Variants in SIPA1L3 observed in about 807,000 individuals in gnomAD.
SIPA1L3 encodes signal induced proliferation associated 1 like 3.
Under a neutral mutation model 150.1 loss-of-function variants are expected in SIPA1L3, and 59 were observed. The ratio of observed to expected loss-of-function variants is 0.39; its 90% CI spans 0.32 to 0.49. The LOEUF is 0.49. Among genes scored for constraint, SIPA1L3 ranks in the 20% least tolerant of loss-of-function variants. SIPA1L3 has a pLI of 0.86. For synonymous variants in SIPA1L3, 1,070 were observed against 1,077.6 expected (o/e 0.99, Z 0.14); for missense variants, 2,211 against 2,489.5 (o/e 0.89, Z 2.38).
At chr19:38,118,433 G>A (rs1326201421) in intron 8 of SIPA1L3, among the ~76,000 whole-genome samples, 1 of 152,052 alleles carries the variant, frequency 6.6e-6, no homozygotes, top group Non-Finnish European at 1.5e-5. Context: ...TCTGCCACAC[G>A]GTCTATGTAT....
At chr19:37,958,776 A>T (rs2046832523) in intron 1 of SIPA1L3, among the ~76,000 whole-genome samples, 1 of 152,240 alleles carries the variant, frequency 6.6e-6, no homozygotes, top group African/African-American at 2.4e-5. Flanking sequence ...GGAGAAGATA[A>T]TTGCAAATCA....
At chr19:37,926,698 C>T (rs964293305) in intron 1 of SIPA1L3, among the ~76,000 whole-genome samples, 16 of 151,904 alleles carry the variant, frequency 1.1e-4, no homozygotes, top group South Asian at 4.2e-4. Flanking sequence ...CCTGTGGGAG[C>T]GGGTGGGGGT....
intron 16 of SIPA1L3, among the ~76,000 whole-genome samples, chr19:38,188,097 CA>C (rs1972727862): frequency 6.6e-6 from 1 of 152,078 alleles, no homozygotes; most frequent in African/African-American, 2.4e-5. Flanking sequence ...ATTTTGGAGA[CA>C]GTGTCTTTGT....
intron 1 of SIPA1L3, among the ~76,000 whole-genome samples, chr19:37,919,002 C>G (rs1388198588): frequency 6.6e-6 from 1 of 152,100 alleles, no homozygotes; most frequent in Non-Finnish European, 1.5e-5. Context: ...GCTGTGGGCT[C>G]TGGTGGAAGC....
intron 1 of SIPA1L3, among the ~76,000 whole-genome samples, chr19:37,925,022 C>T (rs1407386982): frequency 6.7e-6 from 1 of 150,284 alleles, no homozygotes; most frequent in Non-Finnish European, 1.5e-5. Flanking sequence ...GCACTCCAGC[C>T]TGGGGAATAG....
At chr19:37,927,683 G>GTGTGTGTGTA (rs1568466854) in intron 1 of SIPA1L3, among the ~76,000 whole-genome samples, 2 of 145,594 alleles carry the variant, frequency 1.4e-5, no homozygotes, top group African/African-American at 2.7e-5. Context: ...GTGTGTGTGT[G>GTGTGTGTGTA]TGTGTGTGTA....
chr19:38,159,211 TCCAG>T (rs1972019149), intron 13 of SIPA1L3, among the ~76,000 whole-genome samples: 1 of 152,160 alleles, frequency 6.6e-6, no homozygotes, highest in Non-Finnish European at 1.5e-5. Flanking sequence ...CTAGACCACA[TCCAG>T]CCAGGCCATT....
At chr19:38,000,894 TTATATA>T (rs552331515) in intron 1 of SIPA1L3, among the ~76,000 whole-genome samples, 15 of 114,954 alleles carry the variant, frequency 1.3e-4, no homozygotes, top group African/African-American at 2.8e-4. Context: ...TATATATATG[TTATATA>T]TATATATATA....
intron 1 of SIPA1L3, chr19:37,907,667 A>G (rs2046346051): frequency 6.6e-6 from 1 of 152,250 alleles, no homozygotes; most frequent in Non-Finnish European, 1.5e-5. Flanking sequence ...CCCCTGCAGT[A>G]AAACGGAGTA....
chr19:38,106,940 A>G (rs1175960703), intron 7 of SIPA1L3, among the ~76,000 whole-genome samples: 1 of 152,250 alleles, frequency 6.6e-6, no homozygotes, highest in Non-Finnish European at 1.5e-5. Flanking sequence ...AGTCAACATT[A>G]TTTTGACTGC....
Position 37,962,930 on chromosome 19 carries a change from A to C in SIPA1L3, c.-379+55572A>C, listed in dbSNP as rs77828778. ...TTTTGTTTACTGAGTATCCTGGGCTAATTCTTTGGAGTTTGTCCCCTTGTG... is the reference window on the plus strand; with the variant it reads ...TTTTGTTTACTGAGTATCCTGGGCTCATTCTTTGGAGTTTGTCCCCTTGTG... On this transcript the variant is annotated intron_variant, in intron 1 of 21. Coordinates refer to ENST00000222345, the MANE Select transcript of SIPA1L3 (RefSeq NM_015073.3). Among the ~76,000 whole-genome samples the C allele has an allele frequency of 7.1e-3, 1,079 of 151,944 alleles. 36 individuals are homozygous for C. Among genetic ancestry groups the C allele is most frequent in the East Asian group, 0.065 (338 of 5,170 alleles).
intron 15 of SIPA1L3, among the ~76,000 whole-genome samples, chr19:38,181,563 AC>A: frequency 6.6e-6 from 1 of 152,046 alleles, no homozygotes; most frequent in South Asian, 2.1e-4. Flanking sequence ...AAAAAGGTTG[AC>A]CGGGTGCGGT....
chr19:38,085,603 G>A (rs1290183549), intron 3 of SIPA1L3, among the ~76,000 whole-genome samples: 1 of 152,172 alleles, frequency 6.6e-6, no homozygotes, highest in Non-Finnish European at 1.5e-5. Flanking sequence ...GAACTAAGGA[G>A]GCCATTTCAT....
chr19:37,997,106 A>G (rs1428872176), intron 1 of SIPA1L3, among the ~76,000 whole-genome samples: 2 of 152,198 alleles, frequency 1.3e-5, no homozygotes, highest in African/African-American at 2.4e-5. Context: ...TAGAGATGCT[A>G]GATACACAAC....
At chr19:37,980,531 G>A (rs1967177551) in intron 1 of SIPA1L3, among the ~76,000 whole-genome samples, 1 of 152,170 alleles carries the variant, frequency 6.6e-6, no homozygotes, top group African/African-American at 2.4e-5. Context: ...CTAGGCAGAG[G>A]GAACAGTGTG....
At chr19:37,967,727 A>G (rs2145585959) in intron 1 of SIPA1L3, among the ~76,000 whole-genome samples, 1 of 152,290 alleles carries the variant, frequency 6.6e-6, no homozygotes, top group African/African-American at 2.4e-5. Context: ...CTCATGATGG[A>G]AAAAAATAGG....
At chr19:37,950,695 C>T (rs2046755659) in intron 1 of SIPA1L3, among the ~76,000 whole-genome samples, 1 of 152,186 alleles carries the variant, frequency 6.6e-6, no homozygotes, top group South Asian at 2.1e-4. Flanking sequence ...CGCTTGCTCC[C>T]CACAAGCCCG....
intron 9 of SIPA1L3, among the ~76,000 whole-genome samples, chr19:38,120,539 C>T (rs927512362): frequency 1.3e-5 from 2 of 151,954 alleles, no homozygotes; most frequent in Non-Finnish European, 2.9e-5. Context: ...TGAAAAATGT[C>T]CAAACCATTA....
intron 2 of SIPA1L3, among the ~76,000 whole-genome samples, chr19:38,041,484 G>T (rs998127155): frequency 2.0e-5 from 3 of 151,130 alleles, no homozygotes; most frequent in Admixed American, 6.6e-5. Context: ...TCACCATGTC[G>T]GCCAGGCTGA....
Sources: gnomAD v4.1 joint callset for allele counts (sites outside exome capture counted in the v4.1 genomes callset) on GRCh38, gnomAD v4.1.1 for gene constraint, MANE v1.5 for transcripts, NCBI Gene and HGNC (gene_info 2026-07-23, HGNC 2026-07-21) for gene names.